The following DAB1 variants were observed in gnomAD, a reference collection of about 807,000 sequenced individuals.
DAB1 encodes disabled homolog 1.
In DAB1, 15 loss-of-function variants were observed where a neutral mutation model predicts 64.6. The ratio of observed to expected loss-of-function variants is 0.23; its 90% CI spans 0.16 to 0.36. The LOEUF (loss-of-function observed/expected upper bound fraction) is 0.36, where lower values mean the gene tolerates loss of function less well. Ranked by LOEUF, DAB1 falls within the 10% of genes least tolerant of loss-of-function variation. The pLI, the probability that DAB1 is intolerant of heterozygous loss-of-function variation, is 1.00. For missense variants in DAB1, 596 were observed against 706.7 expected (o/e 0.84, Z 1.78); for synonymous variants, 235 against 251.9 (o/e 0.93, Z 0.64).
intron 14 of DAB1, among the ~76,000 whole-genome samples, chr1:57,005,929 T>C (rs1348341416): frequency 6.6e-6 from 1 of 152,240 alleles, no homozygotes; most frequent in Non-Finnish European, 1.5e-5. Flanking sequence ...GTGAAAGGTA[T>C]CATGATTACC....
chr1:57,175,233 A>G (rs1557866976), intron 2 of DAB1, among the ~76,000 whole-genome samples: 1 of 152,176 alleles, frequency 6.6e-6, no homozygotes, highest in African/African-American at 2.4e-5. Context: ...AAAAAGATCT[A>G]TAACTGGATG....
chr1:58,178,451 T>A (rs1204605024), intron 4 of DAB1, among the ~76,000 whole-genome samples: 1 of 152,128 alleles, frequency 6.6e-6, no homozygotes, highest in Non-Finnish European at 1.5e-5. Context: ...CCGGAAATAA[T>A]CAAGTTAAAC....
chr1:58,488,894 G>T (rs1161124155), intron 3 of DAB1, among the ~76,000 whole-genome samples: 2 of 152,204 alleles, frequency 1.3e-5, no homozygotes, highest in Non-Finnish European at 2.9e-5. Context: ...ATTATGTACA[G>T]ATATTTTTGT....
intron 6 of DAB1, among the ~76,000 whole-genome samples, chr1:57,674,991 T>C (rs1646549396): frequency 6.6e-6 from 1 of 152,184 alleles, no homozygotes; most frequent in Non-Finnish European, 1.5e-5. Flanking sequence ...AGAAGAAATG[T>C]ATGTGTCACT....
intron 4 of DAB1, among the ~76,000 whole-genome samples, chr1:58,210,810 T>C (rs1323433474): frequency 1.3e-5 from 2 of 152,182 alleles, no homozygotes; most frequent in East Asian, 3.9e-4. Context: ...AGAAAATGAC[T>C]CATGACCAAG....
intron 3 of DAB1, among the ~76,000 whole-genome samples, chr1:58,402,444 T>C (rs919488879): frequency 2.0e-5 from 3 of 152,148 alleles, no homozygotes; most frequent in Middle Eastern, 3.2e-3. Flanking sequence ...CCTTGCCACA[T>C]GCAGGAAGTC....
chr1:57,123,479 C>T (rs1462896553), intron 4 of DAB1, among the ~76,000 whole-genome samples: 1 of 151,922 alleles, frequency 6.6e-6, no homozygotes, highest in African/African-American at 2.4e-5. Context: ...TCCATGCTGG[C>T]AAATATGTGG....
intron 3 of DAB1, among the ~76,000 whole-genome samples, chr1:58,421,203 G>A (rs1354662213): frequency 2.0e-5 from 3 of 152,188 alleles, no homozygotes; most frequent in Non-Finnish European, 4.4e-5. Context: ...CCACATGGAT[G>A]GTGGCAGCAA....
intron 5 of DAB1, among the ~76,000 whole-genome samples, chr1:57,917,409 A>C (rs1644743021): frequency 6.6e-6 from 1 of 152,194 alleles, no homozygotes; most frequent in Admixed American, 6.5e-5. Flanking sequence ...CTCACCTGTA[A>C]AGTAGGGAGA....
At chr1:58,297,281 G>A (rs1662016439) in intron 4 of DAB1, among the ~76,000 whole-genome samples, 2 of 152,124 alleles carry the variant, frequency 1.3e-5, no homozygotes, top group African/African-American at 2.4e-5. Flanking sequence ...GCTGAGATGA[G>A]TATTTTAAAT....
intron 6 of DAB1, among the ~76,000 whole-genome samples, chr1:57,684,463 G>C (rs747623686): frequency 6.6e-6 from 1 of 152,032 alleles, no homozygotes; most frequent in Non-Finnish European, 1.5e-5. Flanking sequence ...AGAGATTGGG[G>C]ATCTATTTTC....
At chr1:58,039,095 G>T (rs1403218757) in intron 5 of DAB1, among the ~76,000 whole-genome samples, 1 of 152,080 alleles carries the variant, frequency 6.6e-6, no homozygotes, top group East Asian at 1.9e-4. Context: ...GATGTCTGGG[G>T]CCTTGCTGTT....
At chr1:58,144,683 A>G (rs567688318) in intron 5 of DAB1, among the ~76,000 whole-genome samples, 12 of 152,346 alleles carry the variant, frequency 7.9e-5, no homozygotes, top group African/African-American at 2.9e-4. Flanking sequence ...AATGAGTAGA[A>G]GCATTTTATA....
intron 1 of DAB1, among the ~76,000 whole-genome samples, chr1:57,401,152 T>C (rs1186047337): frequency 6.6e-6 from 1 of 152,112 alleles, no homozygotes; most frequent in Non-Finnish European, 1.5e-5. Context: ...TACACTCAAC[T>C]GGAAAAATTT....
intron 7 of DAB1, among the ~76,000 whole-genome samples, chr1:57,574,209 A>G (rs1645223450): frequency 6.6e-6 from 1 of 152,180 alleles, no homozygotes; most frequent in South Asian, 2.1e-4. Flanking sequence ...AGGTAGTCGT[A>G]GTCCTTTTGT....
intron 6 of DAB1, among the ~76,000 whole-genome samples, chr1:57,817,039 C>G (rs1024072639): frequency 6.6e-6 from 1 of 152,194 alleles, no homozygotes; most frequent in Non-Finnish European, 1.5e-5. Context: ...GCTTACTCAG[C>G]TATACCTGAA....
intron 6 of DAB1, among the ~76,000 whole-genome samples, chr1:57,689,410 T>C (rs567094189): frequency 6.6e-6 from 1 of 152,230 alleles, no homozygotes; most frequent in Admixed American, 6.5e-5. Flanking sequence ...ATTTAGAACT[T>C]GGGAAATGCT....
intron 3 of DAB1, among the ~76,000 whole-genome samples, chr1:58,447,714 C>A (rs534141871): frequency 6.6e-6 from 1 of 152,122 alleles, no homozygotes; most frequent in Non-Finnish European, 1.5e-5. Flanking sequence ...GGAAGACTTT[C>A]TTGAGGAGGT....
At chr1:58,115,102 A>G (rs1652244223) in intron 5 of DAB1, among the ~76,000 whole-genome samples, 1 of 139,930 alleles carries the variant, frequency 7.1e-6, no homozygotes, top group South Asian at 2.5e-4. Context: ...ACAAAGGGCT[A>G]ATATCCAGAA....
Sources: allele counts gnomAD v4.1 joint callset (sites outside exome capture counted in the v4.1 genomes callset), GRCh38; gene constraint gnomAD v4.1.1; transcripts MANE v1.5; gene names NCBI Gene and HGNC (gene_info 2026-07-23, HGNC 2026-07-21).